Variants in PLBD1 observed in about 807,000 individuals in gnomAD.
PLBD1 encodes lysosomal leucine aminopeptidase.
PLBD1 carries 60 observed loss-of-function variants against 63.0 expected under a neutral mutation model. The ratio of observed to expected loss-of-function variants is 0.95; its 90% CI spans 0.77 to 1.18. PLBD1 has a LOEUF of 1.18. PLBD1 is among the 50% of genes most tolerant of loss of function. The probability of loss-of-function intolerance (pLI) is 0.00; values close to 1 mark genes in which losing one functional copy is unlikely to be tolerated. For synonymous variants in PLBD1, 262 were observed against 248.0 expected, an observed-to-expected ratio of 1.06 and a Z score of -0.53; for missense variants, 598 against 677.9, an observed-to-expected ratio of 0.88 and a Z score of 1.31.
chr12:14,543,177 T>G (rs1202844705), intron 2 of PLBD1, among the ~76,000 whole-genome samples: 1 of 152,140 alleles, frequency 6.6e-6, no homozygotes, highest in Non-Finnish European at 1.5e-5. Flanking sequence ...TTTTCTTTGT[T>G]TAGATAATAC....
At chr12:14,557,592 T>C (rs928013518) in intron 1 of PLBD1, among the ~76,000 whole-genome samples, 1 of 152,300 alleles carries the variant, frequency 6.6e-6, no homozygotes, top group Admixed American at 6.5e-5. Flanking sequence ...CTCTCACTTA[T>C]AAGTAGGAGC....
chr12:14,511,314 C>T lies in PLBD1; in HGVS notation c.1132G>A (p.Glu378Lys). 1 of 1,611,244 alleles carries T rather than the reference C, an allele frequency of 6.2e-7. No individual in the cohort carries two copies. The change falls in exon 8 of 11, where the codon GAG becomes AAG. Residue 378 changes from glutamate (E) to lysine (K), a missense_variant. Physicochemically the swap from Glu to Lys is moderately conservative, Grantham distance 56 (BLOSUM62 1). Coordinates refer to ENST00000240617, the MANE Select transcript of PLBD1 (RefSeq NM_024829.6). Reference sequence around the variant, plus strand: ...TATTCTACATATGTAGGAATTTGCTCCACAATGTACAGAGTGCCTTTGTCA... The same window carrying T: ...TATTCTACATATGTAGGAATTTGCTTCACAATGTACAGAGTGCCTTTGTCA... The part of the protein sequence containing the change: ...SLDKGTLYIV[E>K]QIPTYVEYSE...
chr12:14,567,379 G>A (rs1272083535), intron 1 of PLBD1, among the ~76,000 whole-genome samples: 1 of 152,330 alleles, frequency 6.6e-6, no homozygotes, highest in East Asian at 1.9e-4. Flanking sequence ...GTTGGCAGAC[G>A]CACTCGCCAT....
In PLBD1 at chr12:14,506,970, A is replaced by C. The variant is rs1945261276; in HGVS notation, c.1335T>G (p.Thr445=). The C allele has an allele frequency of 6.2e-7, 1 of 1,614,058 alleles. No individual in the cohort carries two copies. The change falls in exon 9 of 11, where the codon ACT becomes ACG. Residue 445 remains threonine (T), a synonymous_variant. Transcript: ENST00000240617. ...KIFRRDQGKV[T]DTASMKYIMR... The stretch of plus-strand genomic sequence containing the variant: ...TGATATATTTCATGGATGCCGTATC[A>C]GTCACTTTCCCTTGGTCACGCCGGA...
chr12:14,507,444 A>G (rs1040648374), intron 8 of PLBD1, among the ~76,000 whole-genome samples: 9 of 152,210 alleles, frequency 5.9e-5, no homozygotes, highest in Non-Finnish European at 8.8e-5. Flanking sequence ...GTATAATGCA[A>G]GGTGGTCTGG....
At chr12:14,508,893 G>A (rs943568891) in intron 8 of PLBD1, among the ~76,000 whole-genome samples, 3 of 151,964 alleles carry the variant, frequency 2.0e-5, no homozygotes, top group African/African-American at 7.3e-5. Context: ...GTCTTCCTTG[G>A]CTCACAAAAC....
Position 14,566,423 on chromosome 12 carries a change from T to A in PLBD1, c.115+1159A>T, listed in dbSNP as rs544753234. Among the ~76,000 whole-genome samples the A allele has an allele frequency of 4.6e-5, 7 of 152,292 alleles. No homozygotes were observed. In the East Asian group the frequency reaches 1.3e-3, roughly 29 times the overall value. ...GGGCATCCTCCCCCAAGCCCCACCC[T>A]ACTCTTGTACAAGGTCAGCACAGAA... On this transcript the variant is annotated intron_variant, in intron 1 of 10. Transcript: ENST00000240617.
chr12:14,535,156 T>C (rs1945502709), intron 6 of PLBD1, among the ~76,000 whole-genome samples: 1 of 152,238 alleles, frequency 6.6e-6, no homozygotes, highest in South Asian at 2.1e-4. Flanking sequence ...ACACTTTATA[T>C]TGTCCTCTTG....
chr12:14,506,129 G>T, intron 10 of PLBD1, 33 bp downstream of exon 10: 2 of 1,469,522 alleles, frequency 1.4e-6, no homozygotes, highest in South Asian at 2.3e-5. Flanking sequence ...GTGTGCTGGT[G>T]GGAATTAAAT....
chr12:14,507,250 T>C (rs3827886), intron 8 of PLBD1, 132 bp from the exon 9 acceptor site: 92,704 of 704,406 alleles, frequency 0.13, 6,836 homozygotes, highest in South Asian at 0.2. Flanking sequence ...TACAAAATAA[T>C]GTACAGAAAA....
At chr12:14,522,851 C>T (rs1165006628) in intron 6 of PLBD1, among the ~76,000 whole-genome samples, 2 of 151,942 alleles carry the variant, frequency 1.3e-5, no homozygotes, top group African/African-American at 2.4e-5. Flanking sequence ...AACAGATATA[C>T]AAGAAATGTA....
intron 1 of PLBD1, among the ~76,000 whole-genome samples, chr12:14,562,977 T>C (rs1478982536): frequency 6.6e-6 from 1 of 152,312 alleles, no homozygotes; most frequent in East Asian, 1.9e-4. Context: ...TTAGCATATA[T>C]ATTATAAAAA....
intron 1 of PLBD1, among the ~76,000 whole-genome samples, chr12:14,560,433 A>T (rs144742353): frequency 6.6e-6 from 1 of 152,290 alleles, no homozygotes; most frequent in African/African-American, 2.4e-5. Context: ...GAGAAAATAG[A>T]AAAAAATTAA....
At chr12:14,547,316 C>T (rs1945623796) in intron 2 of PLBD1, among the ~76,000 whole-genome samples, 1 of 152,080 alleles carries the variant, frequency 6.6e-6, no homozygotes, top group Non-Finnish European at 1.5e-5. Flanking sequence ...TCCTGCCACA[C>T]ACAGGGGCTC....
intron 1 of PLBD1, among the ~76,000 whole-genome samples, chr12:14,563,316 T>C (rs565489782): frequency 7.2e-5 from 11 of 151,964 alleles, no homozygotes; most frequent in Non-Finnish European, 1.3e-4. Flanking sequence ...GGCCAGGAGT[T>C]TGAGACCAAC....
At chr12:14,553,433 G>T (rs757120049) in intron 1 of PLBD1, 21 bp from the exon 2 acceptor site, 1 of 1,577,946 alleles carries the variant, frequency 6.3e-7, no homozygotes, top group Non-Finnish European at 8.7e-7. Flanking sequence ...AGGGAATAAT[G>T]ACAAAAACGC....
chr12:14,563,338 G>A (rs35938180), intron 1 of PLBD1, among the ~76,000 whole-genome samples: 38,010 of 151,896 alleles, frequency 0.25, 5,422 homozygotes, highest in Admixed American at 0.33. Flanking sequence ...TGGGCAAAAT[G>A]GTGAACCTCA....
At chr12:14,556,970 C>G (rs1481744363) in intron 1 of PLBD1, among the ~76,000 whole-genome samples, 1 of 76,088 alleles carries the variant, frequency 1.3e-5, no homozygotes, top group Non-Finnish European at 2.4e-5. Context: ...GGGCAACAAA[C>G]AAGAGCGGAA....
chr12:14,553,473 C>T (rs1945676947), intron 1 of PLBD1, 61 bp from the exon 2 acceptor site: 2 of 1,273,414 alleles, frequency 1.6e-6, no homozygotes, highest in Admixed American at 3.6e-5. Flanking sequence ...GCATTTTTTT[C>T]CTATGTATCC....
Sources: gnomAD v4.1 joint callset for allele counts (sites outside exome capture counted in the v4.1 genomes callset) on GRCh38, gnomAD v4.1.1 for gene constraint, MANE v1.5 for transcripts, NCBI Gene and HGNC (gene_info 2026-07-23, HGNC 2026-07-21) for gene names.